Variants in CLASP1 observed in about 807,000 individuals in gnomAD.
CLASP1 encodes CLIP-associating protein 1.
In CLASP1, 38 loss-of-function variants were observed where a neutral mutation model predicts 192.3. The ratio of observed to expected loss-of-function variants is 0.20; its 90% confidence interval spans 0.15 to 0.26. CLASP1 has a LOEUF of 0.26. Among genes scored for constraint, CLASP1 ranks in the 10% least tolerant of loss-of-function variants. The pLI, the probability that CLASP1 is intolerant of heterozygous loss-of-function variation, is 1.00. For synonymous variants in CLASP1, 691 were observed against 712.8 expected (o/e 0.97, Z 0.49); for missense variants, 1,433 against 1,932.5 (o/e 0.74, Z 4.85).
intron 9 of CLASP1, among the ~76,000 whole-genome samples, chr2:121,464,385 G>A (rs2088975953): frequency 1.3e-5 from 2 of 151,994 alleles, no homozygotes; most frequent in Non-Finnish European, 2.9e-5. Flanking sequence ...TGGGTCAAAT[G>A]GTATTTCTAG....
At chr2:121,478,687 CCA>C (rs1204080981) in intron 8 of CLASP1, among the ~76,000 whole-genome samples, 9 of 77,926 alleles carry the variant, frequency 1.2e-4, no homozygotes, top group South Asian at 9.4e-4. Context: ...CACACACACC[CCA>C]CACACACAAC....
At chr2:121,429,065 C>A (rs1428874017) in intron 20 of CLASP1, among the ~76,000 whole-genome samples, 1 of 152,166 alleles carries the variant, frequency 6.6e-6, no homozygotes, top group Non-Finnish European at 1.5e-5. Context: ...TGTAGCCTCA[C>A]CAAAGGCAGC....
intron 28 of CLASP1, 26 bp from the exon 30 acceptor site, chr2:121,398,426 A>C (rs1469959359): frequency 1.4e-6 from 2 of 1,432,374 alleles, no homozygotes; most frequent in Admixed American, 4.0e-5. Context: ...AAAAGTGCTT[A>C]TTTTTAAAGA....
chr2:121,411,187 A>G (rs1367686685), intron 23 of CLASP1, among the ~76,000 whole-genome samples: 1 of 152,224 alleles, frequency 6.6e-6, no homozygotes, highest in Non-Finnish European at 1.5e-5. Flanking sequence ...TTGTTCAAAC[A>G]TGGTATTTTA....
At chr2:121,461,318 G>A (rs1387776071) in intron 10 of CLASP1, 125 bp from the exon 11 acceptor site, 3 of 606,476 alleles carry the variant, frequency 4.9e-6, no homozygotes, top group Non-Finnish European at 8.6e-6. Flanking sequence ...AAATACCTAT[G>A]AGAAAATATC....
At chr2:121,623,117 C>G (rs922354082) in intron 1 of CLASP1, among the ~76,000 whole-genome samples, 1 of 152,040 alleles carries the variant, frequency 6.6e-6, no homozygotes, top group African/African-American at 2.4e-5. Flanking sequence ...TGTCTTGTTC[C>G]TAATCTTAGG....
chr2:121,461,853 C>G (rs2088046926), intron 10 of CLASP1, among the ~76,000 whole-genome samples: 2 of 152,032 alleles, frequency 1.3e-5, no homozygotes, highest in Non-Finnish European at 1.5e-5. Flanking sequence ...ATTTTTGTAT[C>G]TTTTATAGAG....
chr2:121,535,703 T>C (rs1244946509), intron 2 of CLASP1, among the ~76,000 whole-genome samples: 2 of 151,716 alleles, frequency 1.3e-5, no homozygotes. Flanking sequence ...GGCTGGAGTG[T>C]AGTTGCGTGA....
chr2:121,344,726 G>C (rs918431139), intron 39 of CLASP1, among the ~76,000 whole-genome samples: 9 of 152,152 alleles, frequency 5.9e-5, no homozygotes, highest in Non-Finnish European at 1.2e-4. Flanking sequence ...TTTGTTTCTA[G>C]TCAAGGAAAT....
At chr2:121,520,723 CA>C (rs2094437869) in intron 6 of CLASP1, among the ~76,000 whole-genome samples, 1 of 152,372 alleles carries the variant, frequency 6.6e-6, no homozygotes, top group Non-Finnish European at 1.5e-5. Flanking sequence ...AGGCAGAACT[CA>C]GGCTTTTCTT....
intron 32 of CLASP1, among the ~76,000 whole-genome samples, chr2:121,384,242 G>A (rs1042499755): frequency 2.0e-5 from 3 of 151,656 alleles, no homozygotes; most frequent in Non-Finnish European, 2.9e-5. Context: ...AGGCTAGAGT[G>A]CAGTGGCATA....
chr2:121,614,733 C>T (rs2066178490), intron 1 of CLASP1, among the ~76,000 whole-genome samples: 1 of 152,144 alleles, frequency 6.6e-6, no homozygotes, highest in Non-Finnish European at 1.5e-5. Flanking sequence ...TATAAAATCT[C>T]ACTATAGAAT....
At position 121,382,257 on chromosome 2, in the gene CLASP1, T is replaced by C. The variant is rs748444120; in HGVS notation, c.3442A>G (p.Ile1148Val). The change falls in exon 33 of 40, where the codon ATC becomes GTC. Residue 1148 changes from isoleucine to valine, a missense_variant. By Grantham distance (29) the Ile-to-Val change is conservative. This residue lies in a region of CLASP1 where 336 missense variants were observed against 358.0 expected (regional missense o/e 0.94). Transcript: ENST00000263710. ...GCCTTGTGGGAGGGAGCGGTGGGGA[T>C]GGAGTTAGGCTGAGAAAAGGGAGGT... The C allele has an allele frequency of 4.4e-6, 7 of 1,608,200 alleles. No homozygotes were observed. The highest frequency in any genetic ancestry group is 5.9e-6 in the Non-Finnish European group (7 of 1,177,704).
At chr2:121,348,753 A>C in intron 37 of CLASP1, 35 bp from the exon 39 acceptor site, 2 of 1,517,026 alleles carry the variant, frequency 1.3e-6, no homozygotes, top group Non-Finnish European at 1.8e-6. Flanking sequence ...AGTGAGCTCC[A>C]CATGCCACAT....
At chr2:121,440,628 C>T (rs1451378053) in intron 19 of CLASP1, among the ~76,000 whole-genome samples, 3 of 152,096 alleles carry the variant, frequency 2.0e-5, no homozygotes, top group Non-Finnish European at 2.9e-5. Context: ...CAAGTCAAGG[C>T]GGCAGTGAGC....
At chr2:121,376,435 T>C (rs1397138127) in intron 34 of CLASP1, among the ~76,000 whole-genome samples, 2 of 140,440 alleles carry the variant, frequency 1.4e-5, no homozygotes, top group Non-Finnish European at 3.0e-5. Context: ...AAGACCGAAA[T>C]CATATATTCT....
chr2:121,405,936 G>A (rs773498944), intron 25 of CLASP1, among the ~76,000 whole-genome samples: 1 of 152,206 alleles, frequency 6.6e-6, no homozygotes, highest in Non-Finnish European at 1.5e-5. Flanking sequence ...TCATCAGGCA[G>A]TGCTCAGCCT....
At position 121,451,006 on chromosome 2, in the gene CLASP1, A is replaced by G. The variant is rs1335388684; in HGVS notation, c.1446-16T>C. ...TGATATGTGTCTAGATATTTAGAAA[A>G]GAAAGCAGTAACAATCATAAATGTA... On this transcript the variant is annotated splice_polypyrimidine_tract_variant and intron_variant, in intron 15 of 39. Coordinates refer to ENST00000263710, the Ensembl canonical transcript of CLASP1. 1.4e-6 allele frequency: 2 copies of G among 1,477,328 alleles called. No individual in the cohort carries two copies. The highest frequency in any genetic ancestry group is 9.4e-7 in the Non-Finnish European group (1 of 1,061,478). 91.5% of individuals were successfully genotyped at this position (1,477,328 alleles called of 1,614,324 possible). A position where few individuals can be genotyped will look rare whatever the true frequency, so the allele number is the denominator to read the frequency against.
chr2:121,467,852 G>T (rs6742426), intron 9 of CLASP1, among the ~76,000 whole-genome samples: 30,584 of 152,126 alleles, frequency 0.2, 5,744 homozygotes, highest in African/African-American at 0.49. Flanking sequence ...TCTTCGTCAT[G>T]AAATCTTTGC....
Sources: gnomAD v4.1 joint callset for allele counts (sites outside exome capture counted in the v4.1 genomes callset) on GRCh38, gnomAD v4.1.1 for gene constraint, gnomAD v4.1.1 regional missense constraint, MANE v1.5 for transcripts, NCBI Gene and HGNC (gene_info 2026-07-23, HGNC 2026-07-21) for gene names.